Variants in TMEM63C observed in about 807,000 individuals in gnomAD.
The protein encoded by TMEM63C is transmembrane protein 63C, also known as osmosensitive cation channel TMEM63C.
Under a neutral mutation model 99.2 loss-of-function variants are expected in TMEM63C, and 32 were observed. That is an observed-to-expected ratio of 0.32 (90% CI 0.24 to 0.43). TMEM63C has a LOEUF of 0.43. TMEM63C is among the 20% of genes least tolerant of loss of function. TMEM63C has a pLI of 1.00. For synonymous variants in TMEM63C, 376 were observed against 397.9 expected (o/e 0.94, Z 0.66); for missense variants, 826 against 1,053.0 (o/e 0.78, Z 2.98).
chr14:77,184,514 G>A (rs1486788689), intron 1 of TMEM63C, among the ~76,000 whole-genome samples: 1 of 152,150 alleles, frequency 6.6e-6, no homozygotes, highest in African/African-American at 2.4e-5. Flanking sequence ...GTAAAGTGCT[G>A]GGAGCTGTTT....
chr14:77,215,579 C>T (rs570154510), intron 2 of TMEM63C, among the ~76,000 whole-genome samples: 6 of 93,888 alleles, frequency 6.4e-5, no homozygotes, highest in Admixed American at 1.3e-4. Flanking sequence ...CCAGCCTAAG[C>T]GACAGAGTGA....
chr14:77,211,920 A>C (rs1188786246), intron 1 of TMEM63C, among the ~76,000 whole-genome samples: 1 of 152,224 alleles, frequency 6.6e-6, no homozygotes, highest in East Asian at 1.9e-4. Flanking sequence ...CCCACAAAGC[A>C]AGGCTGACAT....
At position 77,210,527 on chromosome 14, in the gene TMEM63C, C is replaced by T. The variant is rs866156215; in HGVS notation, c.-76-2919C>T. ...CAGCAGACATGTCAGTGGTGAAGGACGTGAACCAGAGCCCTTCATTCCAGT... is the reference window on the plus strand; with the variant it reads ...CAGCAGACATGTCAGTGGTGAAGGATGTGAACCAGAGCCCTTCATTCCAGT... On this transcript the variant is annotated intron_variant, in intron 1 of 23. Transcript: ENST00000298351. Among the ~76,000 whole-genome samples, 8 of 152,266 alleles carry T rather than the reference C, an allele frequency of 5.3e-5. No individual in the cohort carries two copies. In the South Asian group the frequency reaches 8.3e-4, roughly 16 times the overall value.
chr14:77,236,678 C>A lies in TMEM63C; in HGVS notation c.597C>A (p.Asn199Lys). 6.2e-7 allele frequency: 1 copy of A among 1,612,890 alleles called. No homozygotes were observed. The highest frequency in any genetic ancestry group is 1.1e-5 in the South Asian group (1 of 91,054). The change falls in exon 9 of 24, where the codon AAC (asparagine) becomes AAA (lysine). Residue 199 changes from asparagine (N) to lysine (K), a missense_variant. Asn to Lys is a moderately conservative substitution (Grantham distance 94, BLOSUM62 0). Coordinates refer to ENST00000298351, the MANE Select transcript of TMEM63C (RefSeq NM_020431.4). ...SLLSFFYFIT[N>K]FMFMAHHCLG... Reference sequence around the variant, plus strand: ...TGTCCTTCTTCTACTTCATCACCAACTTCATGTTCATGGCTCATCACTGCC... The same window carrying A: ...TGTCCTTCTTCTACTTCATCACCAAATTCATGTTCATGGCTCATCACTGCC...
At chr14:77,214,202 T>C (rs531029270) in intron 2 of TMEM63C, among the ~76,000 whole-genome samples, 2 of 152,314 alleles carry the variant, frequency 1.3e-5, no homozygotes, top group African/African-American at 2.4e-5. Context: ...TTCTACAAGA[T>C]GAACACATCC....
chr14:77,188,972 T>C (rs1217165974), intron 1 of TMEM63C, among the ~76,000 whole-genome samples: 1 of 152,224 alleles, frequency 6.6e-6, no homozygotes, highest in South Asian at 2.1e-4. Context: ...TTATAAATTA[T>C]ACCTTAGCAA....
chr14:77,249,601 C>G (rs1889323729), intron 21 of TMEM63C, 143 bp downstream of exon 21: 2 of 925,254 alleles, frequency 2.2e-6, no homozygotes, highest in Non-Finnish European at 3.2e-6. Context: ...AGTGACTTCT[C>G]TGGGCCTAAA....
chr14:77,242,913 T>C lies in TMEM63C; in HGVS notation c.1198T>C (p.Ser400Pro), dbSNP rs1240298789. The C allele has an allele frequency of 6.2e-7, 1 of 1,614,060 alleles. No individual in the cohort carries two copies. The highest frequency in any genetic ancestry group is 1.1e-5 in the South Asian group (1 of 91,080). Reference sequence around the variant, plus strand: ...TCCATCCTTCCCCAGGAAACACCTGTCTGTCCGCCGCTTCTTTTGGTGGGC... The same window carrying C: ...TCCATCCTTCCCCAGGAAACACCTGCCTGTCCGCCGCTTCTTTTGGTGGGC... ...HPKDIIWKHL[S>P]VRRFFWWARF... The change falls in exon 15 of 24, where the codon TCT becomes CCT. Residue 400 changes from serine to proline, a missense_variant. Coordinates refer to ENST00000298351, the MANE Select transcript of TMEM63C (RefSeq NM_020431.4).
intron 8 of TMEM63C, 51 bp from the exon 9 acceptor site, chr14:77,236,573 C>T: frequency 7.5e-7 from 1 of 1,334,630 alleles, no homozygotes; most frequent in Non-Finnish European, 1.1e-6. Flanking sequence ...GTGCAGTGGG[C>T]TCTGGGGAGC....
intron 2 of TMEM63C, among the ~76,000 whole-genome samples, chr14:77,214,141 A>G (rs1296568865): frequency 6.6e-6 from 1 of 151,672 alleles, no homozygotes; most frequent in African/African-American, 2.4e-5. Context: ...CTGGATCTCC[A>G]TTCTTCATTT....
intron 13 of TMEM63C, among the ~76,000 whole-genome samples, chr14:77,241,637 TAC>T: frequency 6.6e-6 from 1 of 152,232 alleles, no homozygotes. Flanking sequence ...GCAAGTTCCT[TAC>T]ACTCTCAACT....
chr14:77,209,326 C>T (rs536992063), intron 1 of TMEM63C, among the ~76,000 whole-genome samples: 8 of 152,204 alleles, frequency 5.3e-5, no homozygotes, highest in Admixed American at 1.3e-4. Flanking sequence ...AGCCAATGTG[C>T]GCTATGTGGG....
chr14:77,183,452 C>T (rs1033631016), intron 1 of TMEM63C, among the ~76,000 whole-genome samples: 3 of 152,160 alleles, frequency 2.0e-5, no homozygotes, highest in Admixed American at 6.5e-5. Flanking sequence ...CTCTTGGTTA[C>T]CTTCCCATCA....
intron 7 of TMEM63C, 60 bp downstream of exon 7, chr14:77,231,790 C>G (rs1888948209): frequency 1.3e-6 from 2 of 1,538,574 alleles, no homozygotes; most frequent in Non-Finnish European, 1.8e-6. Flanking sequence ...GCCAGGCAAG[C>G]CAGTCAGGGC....
intron 2 of TMEM63C, among the ~76,000 whole-genome samples, chr14:77,215,178 C>T (rs944640294): frequency 2.6e-5 from 4 of 152,152 alleles, no homozygotes; most frequent in Admixed American, 1.3e-4. Flanking sequence ...GCTCCATTTC[C>T]GTAATCCATC....
rs535891758 is a variant in TMEM63C at position 77,222,790 on chromosome 14, C to A, written c.313-2634C>A. Among the ~76,000 whole-genome samples, 10 of 152,346 alleles carry A rather than the reference C, an allele frequency of 6.6e-5. No individual in the cohort carries two copies. In the South Asian group the frequency reaches 2.1e-3, roughly 32 times the overall value. On this transcript the variant is annotated intron_variant, in intron 5 of 23. Transcript: ENST00000298351. ...ACTTCCCCAGGGAGCCCTGACCACCCCTCCTGGGTCCAGATCTCTTGTTAT... is the reference window on the plus strand; with the variant it reads ...ACTTCCCCAGGGAGCCCTGACCACCACTCCTGGGTCCAGATCTCTTGTTAT...
intron 9 of TMEM63C, 51 bp downstream of exon 9, chr14:77,236,783 C>G: frequency 7.7e-7 from 1 of 1,304,798 alleles, no homozygotes; most frequent in Middle Eastern, 1.9e-4. Flanking sequence ...GGGTCCCTCC[C>G]CACTGGGCTG....
chr14:77,197,646 G>A (rs1594850350), intron 1 of TMEM63C, among the ~76,000 whole-genome samples: 1 of 152,212 alleles, frequency 6.6e-6, no homozygotes, highest in Non-Finnish European at 1.5e-5. Flanking sequence ...TTCTCTCCCA[G>A]CCATAGTCTG....
At chr14:77,194,314 A>G (rs1208287562) in intron 1 of TMEM63C, among the ~76,000 whole-genome samples, 1 of 150,076 alleles carries the variant, frequency 6.7e-6, no homozygotes, top group Non-Finnish European at 1.5e-5. Flanking sequence ...TAAAATAAAG[A>G]TGCAGGCATA....
Sources: gnomAD v4.1 joint callset for allele counts (sites outside exome capture counted in the v4.1 genomes callset) on GRCh38, gnomAD v4.1.1 for gene constraint, MANE v1.5 for transcripts, NCBI Gene and HGNC (gene_info 2026-07-23, HGNC 2026-07-21) for gene names.